Variants in MYL5 observed in about 807,000 individuals in gnomAD.
The protein encoded by MYL5 is myosin regulatory light chain 5.
MYL5 carries 28 observed loss-of-function variants against 20.8 expected under a neutral mutation model. The ratio of observed to expected loss-of-function variants is 1.35; its 90% CI spans 1.00 to 1.84. MYL5 has a LOEUF of 1.84. Among genes scored for constraint, MYL5 ranks in the 40% most tolerant of loss-of-function variants. The pLI is 0.00. For missense variants in MYL5, 274 were observed against 227.3 expected, an observed-to-expected ratio of 1.21 and a Z score of -1.32; for synonymous variants, 118 against 87.4, an observed-to-expected ratio of 1.35 and a Z score of -1.95.
chr4:681,113 C>T, exon 6 of MYL5: 1 of 1,606,858 alleles, frequency 6.2e-7, no homozygotes, highest in Non-Finnish European at 8.5e-7. Context: ...TGCTGATGTC[C>T]CAGGCTGACA....
exon 2 of MYL5, chr4:678,705 G>A: frequency 6.2e-7 from 1 of 1,612,116 alleles, no homozygotes; most frequent in Non-Finnish European, 8.5e-7. Context: ...TCCGGGCCCA[G>A]AGAGCCTCAT....
exon 1 of MYL5, chr4:677,934 G>T (rs577893306): frequency 6.2e-7 from 1 of 1,606,132 alleles, no homozygotes; most frequent in Non-Finnish European, 8.5e-7. Flanking sequence ...AGTGGCAGCC[G>T]GAGTCTGAAC....
Position 680,588 on chromosome 4 carries a change from G to C in MYL5, c.371+1G>C. ...GGAAAGGGAAAATCAACAAGGAGTA[G>C]TGAGTGCCCGGGCGGCCAGGGCGGC... is the stretch of plus-strand genomic sequence containing the variant. On this transcript the variant is annotated splice_donor_variant, in intron 5 of 6. Transcript: ENST00000400159. LOFTEE classifies it high-confidence loss of function. The C allele has an allele frequency of 6.2e-7, 1 of 1,612,474 alleles. No homozygotes were observed. The highest frequency in any genetic ancestry group is 8.5e-7 in the Non-Finnish European group (1 of 1,179,866).
intron 5 of MYL5, 175 bp from the exon 8 acceptor site, chr4:680,917 G>C (rs1447449971): frequency 5.5e-6 from 4 of 733,728 alleles, no homozygotes; most frequent in South Asian, 1.7e-5. Context: ...TCCCCCAGAA[G>C]TGATGGCCCC....
intron 5 of MYL5, 101 bp downstream of exon 7, chr4:680,688 T>TC: frequency 8.2e-7 from 1 of 1,218,944 alleles, no homozygotes. Flanking sequence ...CACGCCCACC[T>TC]CCCCACCTCT....
intron 3 of MYL5, 103 bp downstream of exon 5, chr4:679,136 G>A (rs781657512): frequency 1.9e-5 from 17 of 873,860 alleles, no homozygotes; most frequent in Admixed American, 5.5e-5. Flanking sequence ...GCCAGGGCCC[G>A]CGCCTCAGAG....
chr4:678,228 G>T, intron 1 of MYL5, 199 bp downstream of exon 3: 1 of 1,494,108 alleles, frequency 6.7e-7, no homozygotes, highest in Non-Finnish European at 9.0e-7. Flanking sequence ...GGGCTGTGCT[G>T]TGTTGTGGGA....
chr4:678,505 C>G, intron 1 of MYL5, 153 bp from the exon 4 acceptor site: 1 of 1,444,384 alleles, frequency 6.9e-7, no homozygotes, highest in Non-Finnish European at 9.1e-7. Flanking sequence ...CTACCCAGGC[C>G]TGAGGCTGGC....
Sources: allele counts gnomAD v4.1 joint callset, GRCh38; gene constraint gnomAD v4.1.1; transcripts MANE v1.5; gene names NCBI Gene and HGNC (gene_info 2026-07-23, HGNC 2026-07-21).